The following CACNA2D1 variants were observed in gnomAD, a reference collection of about 807,000 sequenced individuals.
CACNA2D1 encodes voltage-dependent calcium channel subunit alpha-2/delta-1.
In CACNA2D1, 53 loss-of-function variants were observed where a neutral mutation model predicts 171.5. That is an observed-to-expected ratio of 0.31 (90% CI 0.25 to 0.39). CACNA2D1 has a LOEUF of 0.39. Among genes scored for constraint, CACNA2D1 ranks in the 10% least tolerant of loss-of-function variants. The probability of loss-of-function intolerance (pLI) is 1.00; values close to 1 mark genes in which losing one functional copy is unlikely to be tolerated. For missense variants in CACNA2D1, 903 were observed against 1,299.8 expected, an observed-to-expected ratio of 0.69 and a Z score of 4.69; for synonymous variants, 442 against 443.1, an observed-to-expected ratio of 1.00 and a Z score of 0.03.
At position 82,152,627 on chromosome 7, in the gene CACNA2D1, T is replaced by A. The variant is rs966300822; in HGVS notation, c.355-15951A>T. On this transcript the variant is annotated intron_variant, in intron 4 of 38. Coordinates refer to ENST00000356860, the MANE Select transcript of CACNA2D1 (RefSeq NM_000722.4). ...GATAAATTTTAAAATTCAATATTGTTGCAGAAATTGGGGAGGGGGAGAATG... is the reference window on the plus strand; with the variant it reads ...GATAAATTTTAAAATTCAATATTGTAGCAGAAATTGGGGAGGGGGAGAATG... Among the ~76,000 whole-genome samples the A allele has an allele frequency of 9.9e-5, 15 of 152,050 alleles. 1 individual carries two copies. The highest frequency in any genetic ancestry group is 6.6e-5 in the Admixed American group (1 of 15,244).
intron 6 of CACNA2D1, among the ~76,000 whole-genome samples, chr7:82,110,792 G>T (rs990012788): frequency 6.6e-6 from 1 of 152,088 alleles, no homozygotes; most frequent in Non-Finnish European, 1.5e-5. Flanking sequence ...TTAGCCACAA[G>T]GCCTTCTCTA....
rs545987038 is a variant in CACNA2D1, at chr7:82,262,133, C to G, written c.294+73002G>C. Among the ~76,000 whole-genome samples the G allele has an allele frequency of 2.6e-5, 4 of 152,312 alleles. No individual in the cohort carries two copies. The East Asian group carries it at 5.8e-4, about 22-fold the overall frequency. On this transcript the variant is annotated intron_variant, in intron 3 of 38. Coordinates refer to ENST00000356860, the MANE Select transcript of CACNA2D1 (RefSeq NM_000722.4). ...GATCACGAGGTCAGGAGATCGAGACCATCCTGGCTAACACGGTGAAACCCC... is the reference window on the plus strand; with the variant it reads ...GATCACGAGGTCAGGAGATCGAGACGATCCTGGCTAACACGGTGAAACCCC...
At chr7:82,169,526 T>C (rs1795805939) in intron 4 of CACNA2D1, among the ~76,000 whole-genome samples, 1 of 152,030 alleles carries the variant, frequency 6.6e-6, no homozygotes, top group Non-Finnish European at 1.5e-5. Flanking sequence ...TATACATGAA[T>C]TAAATATCAT....
intron 6 of CACNA2D1, among the ~76,000 whole-genome samples, chr7:82,109,006 C>A (rs912491893): frequency 6.6e-6 from 1 of 152,012 alleles, no homozygotes; most frequent in Non-Finnish European, 1.5e-5. Context: ...AAAAAGTGCC[C>A]TTTCTTAGCA....
chr7:82,297,568 T>TA (rs1159637496), intron 3 of CACNA2D1, among the ~76,000 whole-genome samples: 2 of 152,322 alleles, frequency 1.3e-5, no homozygotes, highest in East Asian at 3.9e-4. Flanking sequence ...AAAGTCATTG[T>TA]AATTATAGAA....
chr7:82,065,062 C>A (rs767436627), intron 8 of CACNA2D1, among the ~76,000 whole-genome samples: 1 of 152,120 alleles, frequency 6.6e-6, no homozygotes, highest in Non-Finnish European at 1.5e-5. Flanking sequence ...TGCCTGGCCA[C>A]CGACTGGAAT....
At chr7:82,177,078 T>G in intron 3 of CACNA2D1, among the ~76,000 whole-genome samples, 1 of 149,820 alleles carries the variant, frequency 6.7e-6, no homozygotes, top group Non-Finnish European at 1.5e-5. Flanking sequence ...ATTTTTTTTT[T>G]TTTTTTTTTG....
chr7:82,023,345 C>T (rs1801482190), intron 12 of CACNA2D1, among the ~76,000 whole-genome samples: 2 of 151,816 alleles, frequency 1.3e-5, no homozygotes, highest in Admixed American at 6.6e-5. Flanking sequence ...CCAAGAGTAG[C>T]ACATTTCACA....
intron 3 of CACNA2D1, among the ~76,000 whole-genome samples, chr7:82,261,683 TA>T (rs1215546008): frequency 6.6e-6 from 1 of 152,152 alleles, no homozygotes; most frequent in East Asian, 1.9e-4. Context: ...CTGAAATGGA[TA>T]AAAAATTTTC....
rs143315295 is a variant in CACNA2D1 at position 82,382,977 on chromosome 7, A to G, written c.96-33328T>C. ...CTAAGGTTTGACATTCAGCCATTCA[A>G]TACTTCTGTTGAAATGGTATTGTGA... On this transcript the variant is annotated intron_variant, in intron 1 of 38. Transcript: ENST00000356860. Among the ~76,000 whole-genome samples, 651 of 152,310 alleles carry G rather than the reference A, an allele frequency of 4.3e-3. 14 individuals carry two copies. In the East Asian group the frequency reaches 0.057, roughly 13 times the overall value.
rs771568710 is a variant in CACNA2D1 at position 82,208,969 on chromosome 7, GTTAA to G, written c.295-38364_295-38361del. On this transcript the variant is annotated intron_variant, in intron 3 of 38. Coordinates refer to ENST00000356860, the MANE Select transcript of CACNA2D1 (RefSeq NM_000722.4). ...ATACAATTTTTATTTGTCAATTGAA[GTTAA>G]TTGATTTTAAAAAGAAAAGCTCAGC... Among the ~76,000 whole-genome samples the G allele has an allele frequency of 9.9e-5, 15 of 152,204 alleles. No homozygotes were observed. In the South Asian group the frequency reaches 2.9e-3, roughly 29 times the overall value.
At chr7:82,099,041 AC>A in intron 6 of CACNA2D1, among the ~76,000 whole-genome samples, 1 of 152,354 alleles carries the variant, frequency 6.6e-6, no homozygotes, top group East Asian at 1.9e-4. Flanking sequence ...AATGAATTTT[AC>A]CATTCTTCCC....
intron 6 of CACNA2D1, among the ~76,000 whole-genome samples, chr7:82,105,113 C>T (rs895203021): frequency 7.9e-5 from 12 of 151,850 alleles, no homozygotes; most frequent in African/African-American, 2.4e-4. Context: ...ATTATTTTCC[C>T]TAGACTAAAA....
At chr7:82,072,154 G>A (rs912605827) in intron 7 of CACNA2D1, among the ~76,000 whole-genome samples, 1 of 152,112 alleles carries the variant, frequency 6.6e-6, no homozygotes, top group Non-Finnish European at 1.5e-5. Flanking sequence ...CATGGGTCAA[G>A]CATTAAAGCT....
At chr7:82,261,588 G>A (rs1288391357) in intron 3 of CACNA2D1, among the ~76,000 whole-genome samples, 1 of 152,128 alleles carries the variant, frequency 6.6e-6, no homozygotes, top group Admixed American at 6.6e-5. Flanking sequence ...AGATATAAGG[G>A]TAGTATTCTA....
intron 4 of CACNA2D1, among the ~76,000 whole-genome samples, chr7:82,139,314 A>T (rs143654494): frequency 4.2e-4 from 64 of 152,342 alleles, no homozygotes; most frequent in African/African-American, 5.1e-4. Context: ...CAGAAGGGTT[A>T]CAAGTATGAT....
At chr7:82,286,260 G>A (rs574124447) in intron 3 of CACNA2D1, among the ~76,000 whole-genome samples, 6 of 152,022 alleles carry the variant, frequency 3.9e-5, no homozygotes, top group Non-Finnish European at 7.4e-5. Flanking sequence ...CCCTTTCTCT[G>A]GGAAGTCTGT....
chr7:82,230,587 C>T (rs962982972), intron 3 of CACNA2D1, among the ~76,000 whole-genome samples: 14 of 152,124 alleles, frequency 9.2e-5, no homozygotes, highest in Non-Finnish European at 2.1e-4. Flanking sequence ...TCAACTAAAA[C>T]TGAAGAAGGA....
At chr7:82,276,750 TTTTC>T (rs1397458239) in intron 3 of CACNA2D1, among the ~76,000 whole-genome samples, 4 of 132,396 alleles carry the variant, frequency 3.0e-5, no homozygotes, top group African/African-American at 1.2e-4. Context: ...TTCTTTTTCT[TTTTC>T]TTTTTTTTTT....
Sources: gnomAD v4.1 joint callset for allele counts (sites outside exome capture counted in the v4.1 genomes callset) on GRCh38, gnomAD v4.1.1 for gene constraint, MANE v1.5 for transcripts, NCBI Gene and HGNC (gene_info 2026-07-23, HGNC 2026-07-21) for gene names.